Variants in MTSS1 observed in about 807,000 individuals in gnomAD.
The protein encoded by MTSS1 is MTSS I-BAR domain containing 1.
MTSS1 carries 18 observed loss-of-function variants against 79.0 expected under a neutral mutation model. The observed-to-expected ratio is 0.23, with a 90% CI of 0.16 to 0.34. MTSS1 has a LOEUF of 0.34. Among genes scored for constraint, MTSS1 ranks in the 10% least tolerant of loss-of-function variants. The pLI is 1.00. For missense variants in MTSS1, 815 were observed against 986.2 expected, an observed-to-expected ratio of 0.83 and a Z score of 2.33; for synonymous variants, 341 against 368.6, an observed-to-expected ratio of 0.93 and a Z score of 0.86.
chr8:124,600,370 T>C (rs1833577105), intron 3 of MTSS1, among the ~76,000 whole-genome samples: 1 of 152,254 alleles, frequency 6.6e-6, no homozygotes, highest in Non-Finnish European at 1.5e-5. Flanking sequence ...AATTAAATTA[T>C]TTAACAACAG....
chr8:124,577,598 G>GATGGTCACAATAGGTCT, intron 6 of MTSS1: 1 of 519,002 alleles, frequency 1.9e-6, no homozygotes, highest in Non-Finnish European at 3.8e-6. Flanking sequence ...GCAGCTTTCT[G>GATGGTCACAATAGGTCT]ATGGTCACAA....
chr8:124,715,875 G>A (rs1439774288), intron 1 of MTSS1, among the ~76,000 whole-genome samples: 3 of 152,168 alleles, frequency 2.0e-5, no homozygotes, highest in Non-Finnish European at 2.9e-5. Flanking sequence ...TAATCACCTG[G>A]TGCTGCCCTG....
At chr8:124,571,188 A>G (rs1827692705) in intron 6 of MTSS1, among the ~76,000 whole-genome samples, 1 of 152,232 alleles carries the variant, frequency 6.6e-6, no homozygotes, top group African/African-American at 2.4e-5. Context: ...CTCTCCTGGA[A>G]TCTGCCTCAG....
intron 3 of MTSS1, among the ~76,000 whole-genome samples, chr8:124,682,220 G>T (rs1216165529): frequency 3.2e-5 from 4 of 123,634 alleles, no homozygotes; most frequent in African/African-American, 1.3e-4. Context: ...CATTTTGGGG[G>T]TTGTCTTTAA....
At chr8:124,642,532 C>T (rs1374326091) in intron 3 of MTSS1, among the ~76,000 whole-genome samples, 1 of 152,144 alleles carries the variant, frequency 6.6e-6, no homozygotes, top group Non-Finnish European at 1.5e-5. Context: ...TATTGATCCA[C>T]CTAAGTTGGA....
chr8:124,697,143 T>C (rs909113305), intron 3 of MTSS1, among the ~76,000 whole-genome samples: 1 of 152,012 alleles, frequency 6.6e-6, no homozygotes, highest in East Asian at 1.9e-4. Context: ...TTCCAGTCCA[T>C]CTACAGGATC....
chr8:124,704,449 T>C (rs1248204702), intron 1 of MTSS1, among the ~76,000 whole-genome samples: 1 of 152,132 alleles, frequency 6.6e-6, no homozygotes, highest in East Asian at 1.9e-4. Context: ...CATACACTTT[T>C]GAGTTGGTAG....
At chr8:124,574,715 G>A (rs1218714415) in intron 6 of MTSS1, among the ~76,000 whole-genome samples, 3 of 152,192 alleles carry the variant, frequency 2.0e-5, no homozygotes, top group Admixed American at 6.5e-5. Flanking sequence ...GCTCTCCAAC[G>A]GGGAAGAGCA....
At chr8:124,578,866 C>A in intron 6 of MTSS1, among the ~76,000 whole-genome samples, 1 of 152,018 alleles carries the variant, frequency 6.6e-6, no homozygotes, top group East Asian at 1.9e-4. Context: ...GCATGAGCCA[C>A]CACGCCAACG....
intron 3 of MTSS1, among the ~76,000 whole-genome samples, chr8:124,639,519 C>T (rs1817638045): frequency 6.6e-6 from 1 of 151,976 alleles, no homozygotes; most frequent in African/African-American, 2.4e-5. Flanking sequence ...CTGTGTCACT[C>T]AGGCTGGAGT....
chr8:124,583,773 C>T (rs995618063), intron 6 of MTSS1, among the ~76,000 whole-genome samples: 2 of 152,220 alleles, frequency 1.3e-5, no homozygotes, highest in Non-Finnish European at 2.9e-5. Context: ...CAGCCCCGAA[C>T]TGTGACCAGC....
At chr8:124,557,388 G>C (rs565014240) in intron 11 of MTSS1, among the ~76,000 whole-genome samples, 1 of 152,300 alleles carries the variant, frequency 6.6e-6, no homozygotes, top group Admixed American at 6.5e-5. Flanking sequence ...CTTTGGACTT[G>C]GAATTGCCGC....
Position 124,555,737 on chromosome 8 carries a change from C to T in MTSS1, c.1567+5G>A, listed in dbSNP as rs1457745136. 5.6e-6 allele frequency: 9 copies of T among 1,603,714 alleles called. No homozygotes were observed. The highest frequency in any genetic ancestry group is 7.7e-6 in the Non-Finnish European group (9 of 1,174,930). On this transcript the variant is annotated splice_donor_5th_base_variant and intron_variant, in intron 13 of 13. Coordinates refer to ENST00000518547, the MANE Select transcript of MTSS1 (RefSeq NM_014751.6). Reference sequence around the variant, plus strand: ...CCTAAGTGCACACCCCAGGCTGCCTCGTACCTTGGGAAGGGATGGTGTCCT... The same window carrying T: ...CCTAAGTGCACACCCCAGGCTGCCTTGTACCTTGGGAAGGGATGGTGTCCT...
chr8:124,569,008 C>T (rs548019824), intron 6 of MTSS1, among the ~76,000 whole-genome samples: 10 of 152,352 alleles, frequency 6.6e-5, no homozygotes, highest in African/African-American at 2.4e-4. Flanking sequence ...GAAGGATCTG[C>T]TCCTAAAGAC....
chr8:124,558,488 T>A (rs7830235), intron 10 of MTSS1, among the ~76,000 whole-genome samples: 11,872 of 152,136 alleles, frequency 0.078, 622 homozygotes, highest in Non-Finnish European at 0.11. Flanking sequence ...AAATTCCCCA[T>A]ACCCCTTCCT....
chr8:124,707,782 G>C (rs146641262), intron 1 of MTSS1, among the ~76,000 whole-genome samples: 1 of 152,144 alleles, frequency 6.6e-6, no homozygotes, highest in African/African-American at 2.4e-5. Flanking sequence ...AGGCTGAGGT[G>C]GGAGAATCCC....
chr8:124,678,342 C>A (rs1019297717), intron 3 of MTSS1, among the ~76,000 whole-genome samples: 1 of 152,182 alleles, frequency 6.6e-6, no homozygotes, highest in Non-Finnish European at 1.5e-5. Flanking sequence ...ACATCCTTCT[C>A]AAATAGCCCC....
chr8:124,664,306 T>C (rs1009611127), intron 3 of MTSS1, among the ~76,000 whole-genome samples: 1 of 152,198 alleles, frequency 6.6e-6, no homozygotes, highest in African/African-American at 2.4e-5. Flanking sequence ...CAGGCGTGGC[T>C]ATCTCCTTCC....
chr8:124,586,710 C>A lies in MTSS1; in HGVS notation c.386-1549G>T, dbSNP rs115152366. 9.8e-3 allele frequency among the ~76,000 whole-genome samples: 1,496 copies of A among 152,262 alleles called. 34 individuals are homozygous for A. Among genetic ancestry groups the A allele is most frequent in the African/African-American group, 0.035 (1,449 of 41,562 alleles). On this transcript the variant is annotated intron_variant, in intron 5 of 13. Coordinates refer to ENST00000518547, the MANE Select transcript of MTSS1 (RefSeq NM_014751.6). ...GCTGGGGGTTAGGAGCTTTGTACCC[C>A]ACAACCTCTTGGCCCCTGTGCAGAC...
Sources: allele counts gnomAD v4.1 joint callset (sites outside exome capture counted in the v4.1 genomes callset), GRCh38; gene constraint gnomAD v4.1.1; transcripts MANE v1.5; gene names NCBI Gene and HGNC (gene_info 2026-07-23, HGNC 2026-07-21).